The following RBM19 variants were observed in gnomAD, a reference collection of about 807,000 sequenced individuals.
RBM19 encodes RNA binding motif protein 19.
A neutral mutation model predicts 116.8 loss-of-function variants in RBM19; 94 were observed. The observed-to-expected ratio is 0.80, with a 90% CI of 0.68 to 0.95. The LOEUF (loss-of-function observed/expected upper bound fraction) is 0.95, where lower values mean the gene tolerates loss of function less well. Among genes scored for constraint, RBM19 ranks in the 40% least tolerant of loss-of-function variants. The pLI, the probability that RBM19 is intolerant of heterozygous loss-of-function variation, is 0.00. For synonymous variants in RBM19, 475 were observed against 494.1 expected (o/e 0.96, Z 0.51); for missense variants, 1,161 against 1,220.7 (o/e 0.95, Z 0.73).
At chr12:113,861,462 G>A (rs1299101429) in intron 21 of RBM19, among the ~76,000 whole-genome samples, 1 of 142,992 alleles carries the variant, frequency 7.0e-6, no homozygotes, top group East Asian at 2.2e-4. Context: ...CAGATTTCTG[G>A]TAAGCCAGAC....
intron 21 of RBM19, among the ~76,000 whole-genome samples, chr12:113,888,752 A>C (rs1880729221): frequency 6.6e-6 from 1 of 152,174 alleles, no homozygotes; most frequent in Admixed American, 6.5e-5. Context: ...CTGCCTCTGT[A>C]AGCTGTAATT....
intron 19 of RBM19, 105 bp from the exon 20 acceptor site, chr12:113,918,552 T>C (rs10774721): frequency 0.62 from 759,863 of 1,232,536 alleles, 239,815 homozygotes; most frequent in East Asian, 0.98. Flanking sequence ...GGGAGCCTGA[T>C]TGTTCCCCGG....
chr12:113,849,634 T>G (rs1450865900), intron 22 of RBM19, among the ~76,000 whole-genome samples: 2 of 152,214 alleles, frequency 1.3e-5, no homozygotes, highest in Admixed American at 6.5e-5. Context: ...AACAGTAACC[T>G]GCACCACTAT....
chr12:113,937,061 G>A lies in RBM19; in HGVS notation c.2014C>T (p.Leu672Phe), dbSNP rs1486035993. 2 of 1,614,036 alleles carry A rather than the reference G, an allele frequency of 1.2e-6. No individual in the cohort carries two copies. Among genetic ancestry groups the A allele is most frequent in the Non-Finnish European group, 1.7e-6 (2 of 1,180,038 alleles). Residue 672 changes from leucine to phenylalanine, a missense_variant, in exon 16 of 24, where the codon CTC becomes TTC. Transcript: ENST00000261741. ...ATGGGTTCTGAAGGTGTGTCTTGGAGCTTTTTCTTCTGTGGGGCTGTGCTG... is the reference window on the plus strand; with the variant it reads ...ATGGGTTCTGAAGGTGTGTCTTGGAACTTTTTCTTCTGTGGGGCTGTGCTG... ...FSSTAPQKKK[L>F]QDTPSEPMEK...
At chr12:113,888,916 C>T (rs1013882781) in intron 21 of RBM19, among the ~76,000 whole-genome samples, 3 of 152,230 alleles carry the variant, frequency 2.0e-5, no homozygotes, top group East Asian at 1.9e-4. Flanking sequence ...TGGTTCTTAA[C>T]GGGTGGTACT....
At chr12:113,866,140 C>T (rs1878791883) in intron 21 of RBM19, among the ~76,000 whole-genome samples, 1 of 152,186 alleles carries the variant, frequency 6.6e-6, no homozygotes, top group South Asian at 2.1e-4. Flanking sequence ...GTTTCTTCCT[C>T]TTCTGTTCTT....
At chr12:113,957,743 C>T (rs199864597) in intron 6 of RBM19, 39 bp downstream of exon 6, 38 of 1,529,832 alleles carry the variant, frequency 2.5e-5, no homozygotes, top group Middle Eastern at 4.0e-4. Context: ...AGCAGGAGAG[C>T]GCACCTCCTC....
chr12:113,875,641 G>A (rs1879618136), intron 21 of RBM19, among the ~76,000 whole-genome samples: 1 of 152,194 alleles, frequency 6.6e-6, no homozygotes, highest in Non-Finnish European at 1.5e-5. Flanking sequence ...GGACCAGATA[G>A]GATTTGGGGT....
chr12:113,887,285 G>A (rs1274388063), intron 21 of RBM19, among the ~76,000 whole-genome samples: 1 of 152,056 alleles, frequency 6.6e-6, no homozygotes, highest in Non-Finnish European at 1.5e-5. Context: ...CTGATCTAGA[G>A]GAGCCTTTCT....
At chr12:113,954,612 A>G (rs1212686039) in intron 7 of RBM19, among the ~76,000 whole-genome samples, 3 of 152,164 alleles carry the variant, frequency 2.0e-5, no homozygotes, top group Non-Finnish European at 4.4e-5. Context: ...CATGGTTTTG[A>G]GTTTTCTATA....
chr12:113,923,059 A>G (rs1868731961), intron 18 of RBM19, among the ~76,000 whole-genome samples: 1 of 152,174 alleles, frequency 6.6e-6, no homozygotes, highest in Non-Finnish European at 1.5e-5. Context: ...GTTTGAACCC[A>G]GGAGACAGAG....
chr12:113,901,498 T>TATTCATTCATTCATTCATTC (rs148668311), intron 21 of RBM19, among the ~76,000 whole-genome samples: 1 of 151,744 alleles, frequency 6.6e-6, no homozygotes, highest in East Asian at 2.0e-4. Context: ...TTCCTTCTTT[T>TATTCATTCATTCATTCATTC]ATTCATTCAT....
At chr12:113,917,093 TA>T (rs1882816965) in intron 20 of RBM19, among the ~76,000 whole-genome samples, 1 of 152,206 alleles carries the variant, frequency 6.6e-6, no homozygotes, top group Non-Finnish European at 1.5e-5. Flanking sequence ...CCCTAGGGTG[TA>T]AACTCCCAAG....
chr12:113,889,173 T>C (rs964062801), intron 21 of RBM19, among the ~76,000 whole-genome samples: 4 of 152,182 alleles, frequency 2.6e-5, no homozygotes, highest in African/African-American at 9.6e-5. Context: ...CTGTAGGGTG[T>C]TGAGAAGCAC....
intron 22 of RBM19, among the ~76,000 whole-genome samples, chr12:113,856,014 C>CT: frequency 6.6e-6 from 1 of 152,196 alleles, no homozygotes; most frequent in Non-Finnish European, 1.5e-5. Flanking sequence ...TGATGGGCTC[C>CT]TCCTTCCTGG....
At chr12:113,946,997 T>C (rs1871081822) in intron 11 of RBM19, among the ~76,000 whole-genome samples, 1 of 152,236 alleles carries the variant, frequency 6.6e-6, no homozygotes, top group African/African-American at 2.4e-5. Flanking sequence ...TAGGTCCCTG[T>C]CAAAATTCTT....
intron 22 of RBM19, among the ~76,000 whole-genome samples, chr12:113,850,608 C>T (rs1341474830): frequency 1.3e-5 from 2 of 152,140 alleles, no homozygotes; most frequent in African/African-American, 4.8e-5. Flanking sequence ...TCTGCAGCTT[C>T]CCTGGAGACA....
intron 21 of RBM19, among the ~76,000 whole-genome samples, chr12:113,886,891 G>A (rs1298243061): frequency 6.6e-6 from 1 of 152,184 alleles, no homozygotes; most frequent in East Asian, 1.9e-4. Flanking sequence ...AAGCGCAGAG[G>A]ACTTTAGAGA....
chr12:113,904,552 C>T (rs1881919964), intron 21 of RBM19, among the ~76,000 whole-genome samples: 2 of 152,246 alleles, frequency 1.3e-5, no homozygotes, highest in East Asian at 1.9e-4. Flanking sequence ...GTGCAGACAT[C>T]GGGAGGTATC....
Sources: allele counts gnomAD v4.1 joint callset (sites outside exome capture counted in the v4.1 genomes callset), GRCh38; gene constraint gnomAD v4.1.1; transcripts MANE v1.5; gene names NCBI Gene and HGNC (gene_info 2026-07-23, HGNC 2026-07-21).